ST6GAL2: variants seen among roughly 807,000 people sequenced by gnomAD.
ST6GAL2 encodes ST6 beta-galactoside alpha-2,6-sialyltransferase 2.
In ST6GAL2, 24 loss-of-function variants were observed where a neutral mutation model predicts 37.5. The ratio of observed to expected loss-of-function variants is 0.64; its 90% confidence interval spans 0.46 to 0.90. The LOEUF (loss-of-function observed/expected upper bound fraction) is 0.90. Among genes scored for constraint, ST6GAL2 ranks in the 40% least tolerant of loss-of-function variants. The pLI is 0.00. For synonymous variants in ST6GAL2, 306 were observed against 295.1 expected, an observed-to-expected ratio of 1.04 and a Z score of -0.38; for missense variants, 715 against 712.7, an observed-to-expected ratio of 1.00 and a Z score of -0.04.
In ST6GAL2 at chr2:106,843,616, T is replaced by C; in HGVS notation, c.362A>G (p.Gln121Arg). The C allele has an allele frequency of 6.2e-7, 1 of 1,613,992 alleles. No individual in the cohort carries two copies. The highest frequency in any genetic ancestry group is 2.2e-5 in the East Asian group (1 of 44,856). ...FFSSQVGRKS[Q>R]SAFYPEDDDY... Reference sequence around the variant, plus strand: ...GTCATCCTCCGGGTAGAAAGCACTTTGAGATTTTCTCCCCACCTGGGATGA... The same window carrying C: ...GTCATCCTCCGGGTAGAAAGCACTTCGAGATTTTCTCCCCACCTGGGATGA... The change falls in exon 2 of 6, where the codon CAA (glutamine) becomes CGA (arginine). Residue 121 changes from glutamine (Q) to arginine (R), a missense_variant. Transcript: ENST00000409382.
intron 1 of ST6GAL2, among the ~76,000 whole-genome samples, chr2:106,851,658 G>A (rs2104550108): frequency 1.4e-5 from 2 of 139,152 alleles, no homozygotes; most frequent in Admixed American, 1.6e-4. Context: ...TGACTGGAGA[G>A]TGTTTTTCTT....
chr2:106,853,005 T>C (rs891738515), intron 1 of ST6GAL2, among the ~76,000 whole-genome samples: 21 of 152,206 alleles, frequency 1.4e-4, no homozygotes, highest in African/African-American at 5.1e-4. Context: ...GGTTCCCTTC[T>C]GGTTTACTGT....
intron 1 of ST6GAL2, among the ~76,000 whole-genome samples, chr2:106,856,390 C>T (rs1190659144): frequency 6.6e-6 from 1 of 152,164 alleles, no homozygotes; most frequent in African/African-American, 2.4e-5. Flanking sequence ...TGGTGTGAGT[C>T]TCTGTAGACC....
intron 1 of ST6GAL2, among the ~76,000 whole-genome samples, chr2:106,852,527 C>A (rs1558710456): frequency 6.6e-6 from 1 of 152,226 alleles, no homozygotes; most frequent in Non-Finnish European, 1.5e-5. Context: ...ACATCTTATT[C>A]ATTCTTGTAT....
At chr2:106,871,582 A>G (rs777543654) in intron 1 of ST6GAL2, among the ~76,000 whole-genome samples, 28 of 152,294 alleles carry the variant, frequency 1.8e-4, no homozygotes, top group Middle Eastern at 3.4e-3. Context: ...TATTTATTCT[A>G]TAAGCATTTT....
At chr2:106,866,671 C>T (rs1678038855) in intron 1 of ST6GAL2, among the ~76,000 whole-genome samples, 1 of 152,200 alleles carries the variant, frequency 6.6e-6, no homozygotes, top group Admixed American at 6.5e-5. Context: ...CTATCATGTC[C>T]TTTCTTATTT....
chr2:106,840,250 G>A (rs888491575), intron 2 of ST6GAL2, among the ~76,000 whole-genome samples: 4 of 152,192 alleles, frequency 2.6e-5, no homozygotes, highest in African/African-American at 7.2e-5. Flanking sequence ...TAGATGCTTA[G>A]CGGCCAACAA....
intron 1 of ST6GAL2, among the ~76,000 whole-genome samples, chr2:106,875,762 A>G (rs759475700): frequency 6.6e-6 from 1 of 152,224 alleles, no homozygotes; most frequent in Non-Finnish European, 1.5e-5. Context: ...GAATCTAATT[A>G]TATTATGTAG....
intron 1 of ST6GAL2, 133 bp from the exon 2 acceptor site, chr2:106,844,167 A>G (rs1677054040): frequency 4.0e-6 from 2 of 504,990 alleles, no homozygotes; most frequent in East Asian, 2.9e-5. Flanking sequence ...AACCAGAATC[A>G]TCCAGGAGTT....
At chr2:106,884,627 T>C (rs925181664) in intron 1 of ST6GAL2, among the ~76,000 whole-genome samples, 12 of 152,156 alleles carry the variant, frequency 7.9e-5, no homozygotes, top group Admixed American at 4.6e-4. Flanking sequence ...TTTGTATCTA[T>C]TGCGGCAAAA....
chr2:106,881,783 G>C (rs1270722647), intron 1 of ST6GAL2, among the ~76,000 whole-genome samples: 2 of 152,168 alleles, frequency 1.3e-5, no homozygotes, highest in Non-Finnish European at 2.9e-5. Context: ...GCCCAGAGTA[G>C]AACTTAGTGT....
chr2:106,836,773 C>CAAAAAAAAAAAAAAAAA (rs70956213), intron 2 of ST6GAL2, among the ~76,000 whole-genome samples: 2 of 70,262 alleles, frequency 2.8e-5, no homozygotes. Context: ...ACTAAAAATA[C>CAAAAAAAAAAAAAAAAA]AAAAAAAAAA....
At chr2:106,866,366 T>A (rs1678024807) in intron 1 of ST6GAL2, among the ~76,000 whole-genome samples, 1 of 152,098 alleles carries the variant, frequency 6.6e-6, no homozygotes, top group Non-Finnish European at 1.5e-5. Context: ...TGGGAGAGAG[T>A]GGAACGATGA....
At chr2:106,832,533 G>A (rs200793811) in intron 4 of ST6GAL2, 32 bp downstream of exon 4, 52 of 1,177,576 alleles carry the variant, frequency 4.4e-5, no homozygotes, top group East Asian at 4.3e-4. Flanking sequence ...TTGTCTGACC[G>A]TTGGGGTGGG....
rs531671265 is a variant in ST6GAL2 at position 106,867,040 on chromosome 2, C to T, written c.-58+19053G>A. On this transcript the variant is annotated intron_variant, in intron 1 of 5. Transcript: ENST00000409382. ...ACTTGGAACATTAAAAATACTGTGA[C>T]AATTCAAGAGGCAAGGAAGAGAAGG... Among the ~76,000 whole-genome samples, 8 of 152,142 alleles carry T rather than the reference C, an allele frequency of 5.3e-5. No homozygotes were observed. The South Asian group carries it at 1.5e-3, about 28-fold the overall frequency.
intron 3 of ST6GAL2, among the ~76,000 whole-genome samples, chr2:106,833,005 G>A (rs1573237332): frequency 1.3e-5 from 2 of 152,130 alleles, no homozygotes; most frequent in African/African-American, 4.8e-5. Context: ...ATGTAATTTG[G>A]AGACAGAGTT....
intron 2 of ST6GAL2, among the ~76,000 whole-genome samples, chr2:106,840,404 C>A (rs568366276): frequency 6.6e-6 from 1 of 152,136 alleles, no homozygotes; most frequent in Non-Finnish European, 1.5e-5. Flanking sequence ...GAGGTCGGCA[C>A]CTGGCATGTA....
intron 2 of ST6GAL2, among the ~76,000 whole-genome samples, chr2:106,838,627 G>C (rs953299542): frequency 6.6e-6 from 1 of 152,186 alleles, no homozygotes; most frequent in Non-Finnish European, 1.5e-5. Flanking sequence ...CCAGACTGGG[G>C]TTTGAATCCA....
intron 5 of ST6GAL2, among the ~76,000 whole-genome samples, chr2:106,828,112 A>C (rs1171572676): frequency 6.6e-6 from 1 of 152,208 alleles, no homozygotes. Flanking sequence ...TAACAAAAAC[A>C]ACATAGGAAA....
Sources: allele counts gnomAD v4.1 joint callset (sites outside exome capture counted in the v4.1 genomes callset), GRCh38; gene constraint gnomAD v4.1.1; transcripts MANE v1.5; gene names NCBI Gene and HGNC (gene_info 2026-07-23, HGNC 2026-07-21).